TSHZ2: variants seen among roughly 807,000 people sequenced by gnomAD.
TSHZ2 encodes teashirt zinc finger homeobox 2.
TSHZ2 carries 21 observed loss-of-function variants against 74.4 expected under a neutral mutation model. That is an observed-to-expected ratio of 0.28 (90% CI 0.20 to 0.41). TSHZ2 has a LOEUF of 0.41. Ranked by LOEUF, TSHZ2 falls within the 10% of genes least tolerant of loss-of-function variation. TSHZ2 has a pLI of 1.00. For synonymous variants in TSHZ2, 540 were observed against 515.3 expected (o/e 1.05, Z -0.65); for missense variants, 1,244 against 1,293.5 (o/e 0.96, Z 0.59).
chr20:53,282,787 G>A (rs145579749), intron 2 of TSHZ2, among the ~76,000 whole-genome samples: 276 of 152,306 alleles, frequency 1.8e-3, no homozygotes, highest in Non-Finnish European at 3.5e-3. Flanking sequence ...TTTGTATAAG[G>A]AGGTGGCATT....
At chr20:53,280,751 G>A (rs1372964077) in intron 2 of TSHZ2, among the ~76,000 whole-genome samples, 1 of 151,898 alleles carries the variant, frequency 6.6e-6, no homozygotes, top group Non-Finnish European at 1.5e-5. Flanking sequence ...GGAGTACAGT[G>A]GCGCGATCTC....
chr20:53,337,471 T>C (rs1306546865), intron 2 of TSHZ2, among the ~76,000 whole-genome samples: 1 of 152,186 alleles, frequency 6.6e-6, no homozygotes, highest in African/African-American at 2.4e-5. Context: ...GACGGAACTG[T>C]CACATGACCA....
At chr20:53,424,436 T>C in intron 2 of TSHZ2, among the ~76,000 whole-genome samples, 1 of 152,362 alleles carries the variant, frequency 6.6e-6, no homozygotes, top group South Asian at 2.1e-4. Flanking sequence ...ATTATTTGCA[T>C]GTGTTTTTAA....
At position 53,314,202 on chromosome 20, in the gene TSHZ2, C is replaced by A. The variant is rs188379926; in HGVS notation, c.*8+57631C>A. On this transcript the variant is annotated intron_variant, in intron 2 of 2. Transcript: ENST00000371497. ...ACTTGGGAGGCTGAAACAAGAGAAT[C>A]GCTTGAACCTGGGAGGCGGTGGTTG... Among the ~76,000 whole-genome samples, 4 of 151,590 alleles carry A rather than the reference C, an allele frequency of 2.6e-5. No individual in the cohort carries two copies. In the East Asian group the frequency reaches 5.8e-4, roughly 22 times the overall value.
At chr20:53,357,907 T>C (rs1241269839) in intron 2 of TSHZ2, among the ~76,000 whole-genome samples, 3 of 152,196 alleles carry the variant, frequency 2.0e-5, no homozygotes, top group African/African-American at 7.2e-5. Flanking sequence ...TAGAAGATGT[T>C]ATGACACAGG....
At chr20:53,183,477 A>T (rs538041905) in intron 1 of TSHZ2, among the ~76,000 whole-genome samples, 2 of 152,310 alleles carry the variant, frequency 1.3e-5, no homozygotes, top group Admixed American at 1.3e-4. Context: ...GGGCATAGCC[A>T]GGGATTGTGG....
intron 1 of TSHZ2, among the ~76,000 whole-genome samples, chr20:53,057,602 T>C (rs1270857164): frequency 1.3e-5 from 2 of 152,190 alleles, no homozygotes; most frequent in Non-Finnish European, 2.9e-5. Context: ...GCATATTTGG[T>C]CATATCCCCA....
intron 1 of TSHZ2, among the ~76,000 whole-genome samples, chr20:53,102,352 C>T (rs1160901826): frequency 6.6e-6 from 1 of 151,098 alleles, no homozygotes; most frequent in African/African-American, 2.4e-5. Flanking sequence ...AGACAATTAA[C>T]TCTATTTTTC....
rs923822529 is a variant in TSHZ2, at chr20:53,224,919, C to A, written c.41-28580C>A. Among the ~76,000 whole-genome samples, 4 of 151,738 alleles carry A rather than the reference C, an allele frequency of 2.6e-5. No individual in the cohort carries two copies. The South Asian group carries it at 6.3e-4, about 24-fold the overall frequency. Reference sequence around the variant, plus strand: ...ATTGGGTTATGTGTACCCTGTCCCACAAGAACTGGAGATGATTAATTATTC... The same window carrying A: ...ATTGGGTTATGTGTACCCTGTCCCAAAAGAACTGGAGATGATTAATTATTC... On this transcript the variant is annotated intron_variant, in intron 1 of 2. Coordinates refer to ENST00000371497, the MANE Select transcript of TSHZ2 (RefSeq NM_173485.6).
At chr20:53,320,933 G>T (rs1178993240) in intron 2 of TSHZ2, among the ~76,000 whole-genome samples, 1 of 152,128 alleles carries the variant, frequency 6.6e-6, no homozygotes, top group East Asian at 1.9e-4. Flanking sequence ...CAATTAGCTG[G>T]CCAGTGCCCA....
At chr20:53,012,893 C>A (rs560638698) in intron 1 of TSHZ2, among the ~76,000 whole-genome samples, 1 of 152,094 alleles carries the variant, frequency 6.6e-6, no homozygotes, top group African/African-American at 2.4e-5. Context: ...TTCAAAAAAA[C>A]GACCAAATGC....
intron 1 of TSHZ2, among the ~76,000 whole-genome samples, chr20:53,211,552 A>G (rs1286193050): frequency 6.6e-6 from 1 of 152,154 alleles, no homozygotes; most frequent in African/African-American, 2.4e-5. Flanking sequence ...AGTAATATCA[A>G]GAATAATTTT....
intron 1 of TSHZ2, among the ~76,000 whole-genome samples, chr20:53,053,867 G>T (rs1984558933): frequency 6.6e-6 from 1 of 152,184 alleles, no homozygotes. Flanking sequence ...CACTGCATTT[G>T]TCCCATGTTG....
chr20:53,250,688 A>G (rs1990305145), intron 1 of TSHZ2, among the ~76,000 whole-genome samples: 1 of 152,174 alleles, frequency 6.6e-6, no homozygotes, highest in Non-Finnish European at 1.5e-5. Context: ...TAAACATGTC[A>G]ATGCCTAATT....
intron 2 of TSHZ2, among the ~76,000 whole-genome samples, chr20:53,268,852 G>C (rs1990772402): frequency 6.6e-6 from 1 of 152,196 alleles, no homozygotes; most frequent in Non-Finnish European, 1.5e-5. Context: ...TCAGAGGTCA[G>C]ATCAGGCTTC....
intron 2 of TSHZ2, among the ~76,000 whole-genome samples, chr20:53,263,988 A>G (rs1990657189): frequency 6.6e-6 from 1 of 152,230 alleles, no homozygotes; most frequent in African/African-American, 2.4e-5. Flanking sequence ...AGAAAATTCC[A>G]GGCAAATCAG....
At chr20:53,439,503 C>T (rs1984230352) in intron 2 of TSHZ2, among the ~76,000 whole-genome samples, 1 of 152,110 alleles carries the variant, frequency 6.6e-6, no homozygotes, top group South Asian at 2.1e-4. Flanking sequence ...AAAGCAGGAT[C>T]AGTTAATAAA....
intron 1 of TSHZ2, among the ~76,000 whole-genome samples, chr20:53,000,461 A>G (rs1407433108): frequency 6.6e-6 from 1 of 152,126 alleles, no homozygotes. Context: ...TTATGGTTTC[A>G]TTTGCTGTGT....
chr20:53,341,492 A>AT lies in TSHZ2; in HGVS notation c.*8+84932dup, dbSNP rs569431868. ...TTATCTCTTTCTGTCTTTTTTCTTT[A>AT]TTTTTTTTTTTAATAGAGATGGGGT... On this transcript the variant is annotated intron_variant, in intron 2 of 2. Coordinates refer to ENST00000371497, the MANE Select transcript of TSHZ2 (RefSeq NM_173485.6). Among the ~76,000 whole-genome samples, 162 of 145,312 alleles carry AT rather than the reference A, an allele frequency of 1.1e-3. 2 individuals carry two copies. The highest frequency in any genetic ancestry group is 2.1e-3 in the Admixed American group (30 of 14,560).
Sources: allele counts gnomAD v4.1 joint callset (sites outside exome capture counted in the v4.1 genomes callset), GRCh38; gene constraint gnomAD v4.1.1; transcripts MANE v1.5; gene names NCBI Gene and HGNC (gene_info 2026-07-23, HGNC 2026-07-21).